ATP1A1: variants seen among roughly 807,000 people sequenced by gnomAD.
ATP1A1 encodes the protein ATPase Na+/K+ transporting subunit alpha 1.
In ATP1A1, 14 loss-of-function variants were observed where a neutral mutation model predicts 114.8. The ratio of observed to expected loss-of-function variants is 0.12; its 90% CI spans 0.08 to 0.19. The LOEUF (loss-of-function observed/expected upper bound fraction) is 0.19. ATP1A1 is among the 10% of genes least tolerant of loss of function. The pLI, the probability that ATP1A1 is intolerant of heterozygous loss-of-function variation, is 1.00. For synonymous variants in ATP1A1, 471 were observed against 466.3 expected (o/e 1.01, Z -0.13); for missense variants, 524 against 1,290.7 (o/e 0.41, Z 9.10).
At position 116,389,326 on chromosome 1, in the gene ATP1A1, G is replaced by A; in HGVS notation, c.755-113G>A. On this transcript the variant is annotated intron_variant, in intron 7 of 22. Coordinates refer to ENST00000295598, the MANE Select transcript of ATP1A1 (RefSeq NM_000701.8). The surrounding 1 kb of genome is among the most constrained non-coding windows in gnomAD (Gnocchi z 6.9). The stretch of plus-strand genomic sequence containing the variant: ...GCCAAAGAGCTGGCCCTTAAAAAGT[G>A]CTTTTATCAACTCTTTTTGTTTTTT... 1 of 1,400,514 alleles carries A rather than the reference G, an allele frequency of 7.1e-7. No homozygotes were observed. Among genetic ancestry groups the A allele is most frequent in the East Asian group, 2.3e-5 (1 of 43,716 alleles). The allele number at this position is 1,400,514 out of a possible 1,614,324, so 86.8% of individuals were successfully genotyped here.
At position 116,390,943 on chromosome 1, in the gene ATP1A1, C is replaced by T. The variant is rs374955236; in HGVS notation, c.1332+52C>T. ...GGATGTAGACAGCACATGAGAACTG[C>T]CATTTGAGTGTTAAAAGTAGCAAAT... On this transcript the variant is annotated intron_variant, in intron 10 of 22. Transcript: ENST00000295598. The T allele has an allele frequency of 3.4e-6, 5 of 1,486,812 alleles. No individual in the cohort carries two copies. The African/African-American group carries it at 5.5e-5, about 17-fold the overall frequency. 92.1% of individuals were successfully genotyped at this position (1,486,812 alleles called of 1,614,324 possible). A position where few individuals can be genotyped will look rare whatever the true frequency, so the allele number is the denominator to read the frequency against.
Position 116,389,690 on chromosome 1 carries a change from T to C in ATP1A1, c.1006T>C (p.Leu336=), listed in dbSNP as rs1652313287. The C allele has an allele frequency of 2.5e-6, 4 of 1,614,080 alleles. No homozygotes were observed. In the South Asian group the frequency reaches 3.3e-5, roughly 13 times the overall value. Residue 336 remains leucine, a synonymous_variant, in exon 8 of 23, where the codon TTG becomes CTG. Coordinates refer to ENST00000295598, the MANE Select transcript of ATP1A1 (RefSeq NM_000701.8). This position sits in a 1 kb window ranked among gnomAD's most constrained non-coding sequence, Gnocchi z 6.9. The part of the protein sequence containing the change: ...GIIVANVPEG[L]LATVTVCLTL... ...CATCGTAGCCAATGTGCCGGAAGGT[T>C]TGCTGGCCACTGTCACGGTAAGAGG...
chr1:116,388,023 T>C lies in ATP1A1; in HGVS notation c.388-108T>C, dbSNP rs1652210148. ...AAACATGAGTTCTATATTTCTGAAA[T>C]CTTGGTTTCTCTATTAAAAATCTGT... On this transcript the variant is annotated intron_variant, in intron 4 of 22. Coordinates refer to ENST00000295598, the MANE Select transcript of ATP1A1 (RefSeq NM_000701.8). The surrounding 1 kb of genome is among the most constrained non-coding windows in gnomAD (Gnocchi z 5.6). 2 of 710,652 alleles carry C rather than the reference T, an allele frequency of 2.8e-6. No homozygotes were observed. The highest frequency in any genetic ancestry group is 4.8e-6 in the Non-Finnish European group (2 of 418,628). The allele number at this position is 710,652 out of a possible 1,614,324, so 44.0% of individuals were successfully genotyped here.
Position 116,399,645 on chromosome 1 carries a change from G to A in ATP1A1, c.2572+102G>A. On this transcript the variant is annotated intron_variant, in intron 18 of 22. Coordinates refer to ENST00000295598, the MANE Select transcript of ATP1A1 (RefSeq NM_000701.8). This position sits in a 1 kb window ranked among gnomAD's most constrained non-coding sequence, Gnocchi z 5.0. Reference sequence around the variant, plus strand: ...GATTTCAGAGACTGCAAATCCAGGCGACTTTCAGGTCTAGGATGAGCCCTA... The same window carrying A: ...GATTTCAGAGACTGCAAATCCAGGCAACTTTCAGGTCTAGGATGAGCCCTA... 2.6e-6 allele frequency: 4 copies of A among 1,511,264 alleles called. No homozygotes were observed. Among genetic ancestry groups the A allele is most frequent in the South Asian group, 1.3e-5 (1 of 78,780 alleles). 93.6% of individuals were successfully genotyped at this position (1,511,264 alleles called of 1,614,324 possible). A position where few individuals can be genotyped will look rare whatever the true frequency, so the allele number is the denominator to read the frequency against.
chr1:116,373,904 T>G (rs1162227135), intron 1 of ATP1A1: 4 of 1,300,552 alleles, frequency 3.1e-6, no homozygotes, highest in Non-Finnish European at 2.9e-6. Context: ...CCGGCATCCC[T>G]GAGCCTGGCT....
intron 21 of ATP1A1, chr1:116,402,180 A>G (rs1653541435): frequency 6.5e-6 from 1 of 153,306 alleles, no homozygotes; most frequent in Admixed American, 6.5e-5. Flanking sequence ...GCATACTGCT[A>G]GTCTTTGGCC....
rs754367647 is a variant in ATP1A1, at chr1:116,395,285, G to GGTA, written c.1836+3_1836+5dup. On this transcript the variant is annotated inframe_insertion and splice_region_variant. Coordinates refer to ENST00000295598, the MANE Select transcript of ATP1A1 (RefSeq NM_000701.8). The surrounding 1 kb of genome is among the most constrained non-coding windows in gnomAD (Gnocchi z 6.4). ...GCAAATGTCGAAGTGCTGGAATTAA[G>GGTA]GTAGTGCCCAGGCGCCTCCTTGGCT... 3 of 1,613,900 alleles carry GGTA rather than the reference G, an allele frequency of 1.9e-6. No individual in the cohort carries two copies. The highest frequency in any genetic ancestry group is 2.5e-6 in the Non-Finnish European group (3 of 1,179,916).
chr1:116,382,788 A>G (rs1651831404), intron 1 of ATP1A1, among the ~76,000 whole-genome samples: 1 of 152,350 alleles, frequency 6.6e-6, no homozygotes, highest in East Asian at 1.9e-4. Flanking sequence ...TAATCTGGAC[A>G]CGAGTTCCTA....
intron 1 of ATP1A1, chr1:116,373,781 G>T: frequency 1.7e-6 from 2 of 1,205,796 alleles, no homozygotes; most frequent in Non-Finnish European, 2.1e-6. Flanking sequence ...CCCTGGGCGG[G>T]GGCTGCGCGC....
rs1259372114 is a variant in ATP1A1, at chr1:116,399,640, C to T, written c.2572+97C>T. 1.3e-6 allele frequency: 2 copies of T among 1,534,288 alleles called. No individual in the cohort carries two copies. Among genetic ancestry groups the T allele is most frequent in the Non-Finnish European group, 1.8e-6 (2 of 1,132,230 alleles). On this transcript the variant is annotated intron_variant, in intron 18 of 22. Coordinates refer to ENST00000295598, the MANE Select transcript of ATP1A1 (RefSeq NM_000701.8). This position sits in a 1 kb window ranked among gnomAD's most constrained non-coding sequence, Gnocchi z 5.0. Reference sequence around the variant, plus strand: ...AGGTTGATTTCAGAGACTGCAAATCCAGGCGACTTTCAGGTCTAGGATGAG... The same window carrying T: ...AGGTTGATTTCAGAGACTGCAAATCTAGGCGACTTTCAGGTCTAGGATGAG...
intron 10 of ATP1A1, among the ~76,000 whole-genome samples, chr1:116,391,476 C>T (rs554115967): frequency 6.6e-6 from 1 of 152,044 alleles, no homozygotes; most frequent in Non-Finnish European, 1.5e-5. Context: ...ACTATGCTGC[C>T]CAAGTGAAGA....
intron 1 of ATP1A1, among the ~76,000 whole-genome samples, chr1:116,374,744 C>G (rs1159245599): frequency 6.6e-6 from 1 of 152,198 alleles, no homozygotes; most frequent in African/African-American, 2.4e-5. Context: ...GAATCCACTT[C>G]GTTGTCTCCA....
chr1:116,373,678 G>A lies in ATP1A1; in HGVS notation c.12+155G>A, dbSNP rs1006847501. ...AGAGCCGCGCGGCTTAAAAGACGAC[G>A]CAGTTTGGAAATGGAGGGAGCGCAG... On this transcript the variant is annotated intron_variant, in intron 1 of 22. Transcript: ENST00000295598. Among the ~76,000 whole-genome samples the A allele has an allele frequency of 4.4e-4, 66 of 150,734 alleles. 1 individual carries two copies. The highest frequency in any genetic ancestry group is 7.4e-5 in the Non-Finnish European group (5 of 67,502).
Position 116,384,202 on chromosome 1 carries a change from C to A in ATP1A1, c.123+78C>A. ...TTAATCCCCCAGGCCTCACTGTATT[C>A]TTCAAAGAACTGCTATATATTAAAA... On this transcript the variant is annotated intron_variant, in intron 2 of 22. Coordinates refer to ENST00000295598, the MANE Select transcript of ATP1A1 (RefSeq NM_000701.8). The surrounding 1 kb of genome is among the most constrained non-coding windows in gnomAD (Gnocchi z 5.1). 1.8e-6 allele frequency: 2 copies of A among 1,098,940 alleles called. No homozygotes were observed. Among genetic ancestry groups the A allele is most frequent in the Non-Finnish European group, 2.7e-6 (2 of 743,206 alleles). 68.1% of individuals were successfully genotyped at this position (1,098,940 alleles called of 1,614,324 possible). A position where few individuals can be genotyped will look rare whatever the true frequency, so the allele number is the denominator to read the frequency against.
chr1:116,374,152 G>A (rs540080561), intron 1 of ATP1A1: 2 of 1,548,926 alleles, frequency 1.3e-6, no homozygotes, highest in Non-Finnish European at 1.7e-6. Context: ...CTCCCCCAAA[G>A]AAAAAACTGG....
chr1:116,379,251 C>T (rs896527336), intron 1 of ATP1A1, among the ~76,000 whole-genome samples: 1 of 152,160 alleles, frequency 6.6e-6, no homozygotes, highest in African/African-American at 2.4e-5. Context: ...TTTGGATATA[C>T]TAAACTGGGC....
intron 1 of ATP1A1, chr1:116,383,421 C>A: frequency 1.1e-6 from 1 of 912,926 alleles, no homozygotes; most frequent in South Asian, 4.3e-5. Context: ...TATAAAAGTA[C>A]TAGCATTTAG....
chr1:116,392,350 T>C (rs148535121), intron 10 of ATP1A1: 2 of 152,724 alleles, frequency 1.3e-5, no homozygotes, highest in African/African-American at 4.8e-5. Context: ...CACAGTCTTC[T>C]ACTTTGCCCT....
intron 1 of ATP1A1, chr1:116,383,403 A>G (rs751409175): frequency 1.6e-5 from 15 of 958,924 alleles, no homozygotes; most frequent in African/African-American, 7.1e-5. Flanking sequence ...AGCAAAGAAT[A>G]TAAACAGTAT....
Sources: gnomAD v4.1 joint callset for allele counts (sites outside exome capture counted in the v4.1 genomes callset) on GRCh38, gnomAD v4.1.1 for gene constraint, Gnocchi (gnomAD v3.1) non-coding constraint, MANE v1.5 for transcripts, NCBI Gene and HGNC (gene_info 2026-07-23, HGNC 2026-07-21) for gene names.